Variants in P2RY8 observed in about 807,000 individuals in gnomAD.
P2RY8 encodes the protein S-geranylgeranyl-glutathione receptor P2RY8.
Under a neutral mutation model 10.0 loss-of-function variants are expected in P2RY8, and 6 were observed. That is an observed-to-expected ratio of 0.60 (90% CI 0.33 to 1.19). The LOEUF is 1.19. Ranked by LOEUF, P2RY8 falls within the 50% of genes most tolerant of loss-of-function variation. The pLI is 0.04. For synonymous variants in P2RY8, 276 were observed against 252.5 expected (o/e 1.09, Z -0.88); for missense variants, 456 against 542.0 (o/e 0.84, Z 1.58).
intron 1 of P2RY8, among the ~76,000 whole-genome samples, chrX:1,534,210 ATACT>A (rs1276422506): frequency 3.5e-4 from 49 of 140,840 alleles, no homozygotes; most frequent in South Asian, 1.5e-3. Context: ...ATATATTTAT[ATACT>A]TACTATTTAT....
chrX:1,467,458 C>T (rs1240697607), intron 1 of P2RY8, among the ~76,000 whole-genome samples: 3 of 152,212 alleles, frequency 2.0e-5, no homozygotes, highest in Non-Finnish European at 4.4e-5. Flanking sequence ...CCGCTCCCCA[C>T]GGCCAGCTGG....
chrX:1,519,513 A>C (rs1285576486), intron 1 of P2RY8, among the ~76,000 whole-genome samples: 2 of 151,768 alleles, frequency 1.3e-5, no homozygotes, highest in Non-Finnish European at 2.9e-5. Context: ...TCTGATTCCC[A>C]GTAATCTCTC....
chrX:1,485,593 A>C (rs2091979320), intron 1 of P2RY8, among the ~76,000 whole-genome samples: 1 of 148,488 alleles, frequency 6.7e-6, no homozygotes, highest in Admixed American at 6.8e-5. Flanking sequence ...ATACATAATC[A>C]TATAAAGTGA....
chrX:1,514,425 CCTTTCCCTTCT>C, intron 1 of P2RY8, among the ~76,000 whole-genome samples: 1 of 30,428 alleles, frequency 3.3e-5, no homozygotes. Context: ...CCCTTCCCTT[CCTTTCCCTTCT>C]CTTCCCTTCC....
intron 1 of P2RY8, among the ~76,000 whole-genome samples, chrX:1,524,473 TCATCCACTCATCCATCCATACATCCACG>T (rs2092417809): frequency 1.5e-5 from 1 of 65,468 alleles, no homozygotes. Context: ...ATCCATCCAT[TCATCCACTCATCCATCCATACATCCACG>T]CATCCATCCA....
At chrX:1,521,944 CTTTTTTTTTTTTTTTT>C (rs751056296) in intron 1 of P2RY8, among the ~76,000 whole-genome samples, 1 of 39,030 alleles carries the variant, frequency 2.6e-5, no homozygotes, top group South Asian at 1.4e-3. Context: ...CTCTCGCTCT[CTTTTTTTTTTTTTTTT>C]TTTTTTTTTG....
chrX:1,511,629 CCCACTTCAACCT>C (rs2092298437), intron 1 of P2RY8, among the ~76,000 whole-genome samples: 1 of 152,222 alleles, frequency 6.6e-6, no homozygotes. Flanking sequence ...AAACTGTCCT[CCCACTTCAACCT>C]CCCAAAGCAC....
At position 1,529,905 on chromosome X, in the gene P2RY8, C is replaced by A. The variant is rs765981020; in HGVS notation, c.-25+7016G>T. The stretch of plus-strand genomic sequence containing the variant: ...AATGTCTGAGGACAGTTCTGGTTGT[C>A]GCAACTGTGGGGGTGCTCCTGGCAT... On this transcript the variant is annotated intron_variant, in intron 1 of 1. Transcript: ENST00000381297. Among the ~76,000 whole-genome samples, 17 of 151,810 alleles carry A rather than the reference C, an allele frequency of 1.1e-4. No homozygotes were observed. In the East Asian group the frequency reaches 2.9e-3, roughly 26 times the overall value.
At chrX:1,491,644 T>C (rs113663450) in intron 1 of P2RY8, among the ~76,000 whole-genome samples, 7,508 of 91,038 alleles carry the variant, frequency 0.082, no homozygotes, top group Middle Eastern at 0.14. Context: ...AATGAGTAAA[T>C]GAATGAATGA....
At chrX:1,517,706 A>G (rs1419556243) in intron 1 of P2RY8, among the ~76,000 whole-genome samples, 1 of 152,156 alleles carries the variant, frequency 6.6e-6, no homozygotes, top group Non-Finnish European at 1.5e-5. Flanking sequence ...CTCAGACCCA[A>G]GCGAGGTCTC....
Position 1,462,776 on chromosome X carries a change from CCT to C in P2RY8, c.*2701_*2702del, listed in dbSNP as rs1237512248. On this transcript the variant is annotated 3_prime_UTR_variant, in exon 2 of 2. Transcript: ENST00000381297. ...AGGCTGAGACTTTTTGGAATCCCTCCCTCTCTCCATGTCCTGCCAAGAACAGA... is the reference window on the plus strand; with the variant it reads ...AGGCTGAGACTTTTTGGAATCCCTCCCTCTCCATGTCCTGCCAAGAACAGA... 4.3e-6 allele frequency: 1 copy of C among 232,852 alleles called. No homozygotes were observed. The highest frequency in any genetic ancestry group is 8.5e-6 in the Non-Finnish European group (1 of 117,928). 14.4% of individuals were successfully genotyped at this position (232,852 alleles called of 1,614,324 possible).
chrX:1,502,403 A>G (rs1180969172), intron 1 of P2RY8, among the ~76,000 whole-genome samples: 1 of 151,792 alleles, frequency 6.6e-6, no homozygotes, highest in Non-Finnish European at 1.5e-5. Context: ...TGTTGGTGAC[A>G]CTCAGCCAGG....
chrX:1,484,720 C>G (rs1354805529), intron 1 of P2RY8, among the ~76,000 whole-genome samples: 3 of 21,866 alleles, frequency 1.4e-4, no homozygotes, highest in Non-Finnish European at 3.8e-4. Flanking sequence ...AGAGCAAAAC[C>G]CTGTAAAAAA....
intron 1 of P2RY8, among the ~76,000 whole-genome samples, chrX:1,513,882 T>C (rs1381114183): frequency 6.6e-6 from 1 of 152,150 alleles, no homozygotes; most frequent in Non-Finnish European, 1.5e-5. Flanking sequence ...GTGTCTCCTC[T>C]TCTGTCTCTC....
chrX:1,521,077 C>T (rs1157199132), intron 1 of P2RY8, among the ~76,000 whole-genome samples: 1 of 139,110 alleles, frequency 7.2e-6, no homozygotes, highest in Non-Finnish European at 1.5e-5. Flanking sequence ...ACACTGTCGC[C>T]AGGCTGGACT....
chrX:1,510,960 C>T (rs2092294200), intron 1 of P2RY8, among the ~76,000 whole-genome samples: 1 of 151,934 alleles, frequency 6.6e-6, no homozygotes, highest in East Asian at 1.9e-4. Context: ...GGGTGGATCA[C>T]GGGGTCAGGA....
intron 1 of P2RY8, among the ~76,000 whole-genome samples, chrX:1,517,062 C>G (rs1421035651): frequency 1.3e-5 from 2 of 152,034 alleles, no homozygotes; most frequent in Non-Finnish European, 2.9e-5. Flanking sequence ...AAAACAGCAT[C>G]TACAAGCCAA....
At chrX:1,484,443 C>T (rs1302639733) in intron 1 of P2RY8, among the ~76,000 whole-genome samples, 2 of 150,690 alleles carry the variant, frequency 1.3e-5, no homozygotes, top group African/African-American at 2.4e-5. Context: ...ATTAACATTA[C>T]AGGCCGGGCG....
intron 1 of P2RY8, among the ~76,000 whole-genome samples, chrX:1,500,008 A>AC (rs1569537682): frequency 1.4e-5 from 1 of 71,996 alleles, no homozygotes; most frequent in African/African-American, 3.0e-5. Flanking sequence ...ACAGGCGTGT[A>AC]CCACCATGCC....
Sources: allele counts gnomAD v4.1 joint callset (sites outside exome capture counted in the v4.1 genomes callset), GRCh38; gene constraint gnomAD v4.1.1; transcripts MANE v1.5; gene names NCBI Gene and HGNC (gene_info 2026-07-23, HGNC 2026-07-21).